The following CHRM3 variants were observed in gnomAD, a reference collection of about 807,000 sequenced individuals.
CHRM3 encodes cholinergic receptor muscarinic 3, also known as muscarinic acetylcholine receptor M3.
Under a neutral mutation model 41.8 loss-of-function variants are expected in CHRM3, and 11 were observed. The ratio of observed to expected loss-of-function variants is 0.26; its 90% CI spans 0.17 to 0.44. The LOEUF (loss-of-function observed/expected upper bound fraction) is 0.44, where lower values mean the gene tolerates loss of function less well. Among genes scored for constraint, CHRM3 ranks in the 20% least tolerant of loss-of-function variants. The pLI, the probability that CHRM3 is intolerant of heterozygous loss-of-function variation, is 1.00. For missense variants in CHRM3, 571 were observed against 745.4 expected (o/e 0.77, Z 2.72); for synonymous variants, 297 against 301.4 (o/e 0.99, Z 0.15).
chr1:239,685,009 C>T (rs1333345929), intron 5 of CHRM3, among the ~76,000 whole-genome samples: 1 of 152,200 alleles, frequency 6.6e-6, no homozygotes, highest in Non-Finnish European at 1.5e-5. Context: ...CTTGCATCTT[C>T]TTCTGTATCC....
At chr1:239,820,517 C>T (rs932369063) in intron 5 of CHRM3, among the ~76,000 whole-genome samples, 2 of 152,080 alleles carry the variant, frequency 1.3e-5, no homozygotes, top group African/African-American at 2.4e-5. Context: ...ATGATAGGTC[C>T]GGATTTTAGG....
At chr1:239,394,403 T>C (rs752235268) in intron 1 of CHRM3, among the ~76,000 whole-genome samples, 1 of 152,306 alleles carries the variant, frequency 6.6e-6, no homozygotes, top group South Asian at 2.1e-4. Flanking sequence ...GCCTGTCTTA[T>C]AAGGATATGT....
intron 1 of CHRM3, among the ~76,000 whole-genome samples, chr1:239,422,810 C>G (rs12136118): frequency 0.2 from 28,642 of 144,198 alleles, 3,521 homozygotes; most frequent in Non-Finnish European, 0.26. Context: ...AAAACAAAAA[C>G]AAAAACAAAA....
At chr1:239,484,166 G>A (rs1667042042) in intron 1 of CHRM3, among the ~76,000 whole-genome samples, 1 of 152,152 alleles carries the variant, frequency 6.6e-6, no homozygotes, top group Non-Finnish European at 1.5e-5. Flanking sequence ...ATCGTTCACG[G>A]TTCTGCAGGC....
chr1:239,804,789 C>T (rs1171531446), intron 5 of CHRM3, among the ~76,000 whole-genome samples: 1 of 152,190 alleles, frequency 6.6e-6, no homozygotes, highest in Non-Finnish European at 1.5e-5. Flanking sequence ...CTTCCCTCGC[C>T]TCTCGCATTG....
At position 239,455,630 on chromosome 1, in the gene CHRM3, G is replaced by A. The variant is rs1157144426; in HGVS notation, c.-520-37079G>A. Among the ~76,000 whole-genome samples the A allele has an allele frequency of 1.3e-5, 2 of 152,068 alleles. 1 individual carries two copies. Among genetic ancestry groups the A allele is most frequent in the African/African-American group, 4.8e-5 (2 of 41,402 alleles). On this transcript the variant is annotated intron_variant, in intron 1 of 6. Transcript: ENST00000676153. ...GTTTACAGATAGAAAAAAGCTTATAGTATAAGGGTATAAAGAAACCAAATA... is the reference window on the plus strand; with the variant it reads ...GTTTACAGATAGAAAAAAGCTTATAATATAAGGGTATAAAGAAACCAAATA...
At chr1:239,433,390 CTCTTT>C (rs1265483657) in intron 1 of CHRM3, among the ~76,000 whole-genome samples, 2 of 152,190 alleles carry the variant, frequency 1.3e-5, no homozygotes, top group Non-Finnish European at 2.9e-5. Flanking sequence ...TCTCCTAAAT[CTCTTT>C]TCTTCTATAG....
chr1:239,435,728 A>G (rs1008806355), intron 1 of CHRM3, among the ~76,000 whole-genome samples: 1 of 152,168 alleles, frequency 6.6e-6, no homozygotes, highest in African/African-American at 2.4e-5. Context: ...CCGTGTTAAT[A>G]CATATTATTT....
intron 5 of CHRM3, among the ~76,000 whole-genome samples, chr1:239,697,934 A>C (rs968577159): frequency 1.3e-5 from 2 of 152,182 alleles, no homozygotes; most frequent in East Asian, 3.9e-4. Flanking sequence ...CATTTTCTTC[A>C]TACTTGTGGC....
chr1:239,686,864 A>G (rs1361363873), intron 5 of CHRM3, among the ~76,000 whole-genome samples: 2 of 152,172 alleles, frequency 1.3e-5, no homozygotes, highest in Admixed American at 1.3e-4. Flanking sequence ...TGACTGCCCC[A>G]TTCACCTGTT....
intron 1 of CHRM3, among the ~76,000 whole-genome samples, chr1:239,411,453 G>A (rs867759558): frequency 1.1e-4 from 17 of 152,114 alleles, no homozygotes; most frequent in African/African-American, 3.9e-4. Context: ...TGGACCGGGC[G>A]TGGTGGCTCA....
chr1:239,711,990 C>A (rs1047991377), intron 5 of CHRM3, among the ~76,000 whole-genome samples: 1 of 152,168 alleles, frequency 6.6e-6, no homozygotes, highest in Admixed American at 6.6e-5. Flanking sequence ...CCCATCCCCC[C>A]AGGCTTAGAT....
At chr1:239,620,678 A>G (rs985126099) in intron 3 of CHRM3, among the ~76,000 whole-genome samples, 1 of 152,148 alleles carries the variant, frequency 6.6e-6, no homozygotes, top group Non-Finnish European at 1.5e-5. Flanking sequence ...ATGTATATAT[A>G]TTATATACAC....
chr1:239,690,873 T>C (rs1659651434), intron 5 of CHRM3, among the ~76,000 whole-genome samples: 1 of 151,966 alleles, frequency 6.6e-6, no homozygotes, highest in Non-Finnish European at 1.5e-5. Context: ...TAAATGTATA[T>C]ATAGTGATCT....
At chr1:239,796,973 A>G (rs560911146) in intron 5 of CHRM3, among the ~76,000 whole-genome samples, 120 of 152,204 alleles carry the variant, frequency 7.9e-4, no homozygotes, top group Non-Finnish European at 1.5e-3. Context: ...CTTTCACCTT[A>G]CACTACACTG....
At chr1:239,582,823 C>T (rs1663024314) in intron 3 of CHRM3, among the ~76,000 whole-genome samples, 1 of 152,108 alleles carries the variant, frequency 6.6e-6, no homozygotes, top group Non-Finnish European at 1.5e-5. Flanking sequence ...GGGATCGAGC[C>T]GTGAGTTTGC....
chr1:239,842,506 A>T (rs551743002), intron 6 of CHRM3, among the ~76,000 whole-genome samples: 2 of 152,292 alleles, frequency 1.3e-5, no homozygotes, highest in South Asian at 4.1e-4. Context: ...AAGTGTTGGG[A>T]TTACAGGAGT....
intron 5 of CHRM3, among the ~76,000 whole-genome samples, chr1:239,728,415 GAA>G: frequency 6.6e-6 from 1 of 152,016 alleles, no homozygotes; most frequent in Middle Eastern, 3.4e-3. Flanking sequence ...ATTAGGAGAG[GAA>G]TCGTCTAGAA....
At chr1:239,507,391 CTCTCT>C (rs1668644592) in intron 2 of CHRM3, among the ~76,000 whole-genome samples, 1 of 152,182 alleles carries the variant, frequency 6.6e-6, no homozygotes, top group Non-Finnish European at 1.5e-5. Flanking sequence ...CCTGAACAAG[CTCTCT>C]TCTCTTGTCT....
Sources: gnomAD v4.1 joint callset for allele counts (sites outside exome capture counted in the v4.1 genomes callset) on GRCh38, gnomAD v4.1.1 for gene constraint, MANE v1.5 for transcripts, NCBI Gene and HGNC (gene_info 2026-07-23, HGNC 2026-07-21) for gene names.